SPDYA: variants seen among roughly 807,000 people sequenced by gnomAD.
SPDYA encodes the protein speedy protein A.
In SPDYA, 11 loss-of-function variants were observed where a neutral mutation model predicts 36.7. That is an observed-to-expected ratio of 0.30 (90% CI 0.19 to 0.50). The LOEUF is 0.50. SPDYA is among the 20% of genes least tolerant of loss of function. The pLI is 0.98. For missense variants in SPDYA, 287 were observed against 370.9 expected, an observed-to-expected ratio of 0.77 and a Z score of 1.86; for synonymous variants, 115 against 118.7, an observed-to-expected ratio of 0.97 and a Z score of 0.20.
Position 28,812,969 on chromosome 2 carries a change from T to C in SPDYA, c.-92-1644T>C, listed in dbSNP as rs148039704. The stretch of plus-strand genomic sequence containing the variant: ...TTCCTAAAATGGCTCATATTTTTAA[T>C]TTGGTTTTCGTTCCTTTCCTCTTGC... On this transcript the variant is annotated intron_variant, in intron 1 of 7. Coordinates refer to ENST00000334056, the MANE Select transcript of SPDYA (RefSeq NM_182756.4). Among the ~76,000 whole-genome samples the C allele has an allele frequency of 4.6e-5, 7 of 152,300 alleles. No homozygotes were observed. The East Asian group carries it at 1.3e-3, about 29-fold the overall frequency.
At chr2:28,816,298 T>C (rs764443703) in intron 3 of SPDYA, 49 bp downstream of exon 3, 7 of 1,318,930 alleles carry the variant, frequency 5.3e-6, no homozygotes, top group Admixed American at 2.4e-5. Flanking sequence ...ACTAAAAACC[T>C]AGAATGTAAA....
At position 28,819,204 on chromosome 2, in the gene SPDYA, T is replaced by C; in HGVS notation, c.294+98T>C. On this transcript the variant is annotated intron_variant, in intron 4 of 7. Coordinates refer to ENST00000334056, the MANE Select transcript of SPDYA (RefSeq NM_182756.4). ...TTATAAGAATTTTCTATCTTATTAG[T>C]TATGATTAAGAAAAGAGCTAGTGGC... The C allele has an allele frequency of 5.3e-6, 5 of 943,134 alleles. No homozygotes were observed. The South Asian group carries it at 8.8e-5, about 17-fold the overall frequency. The allele number at this position is 943,134 out of a possible 1,614,324, so 58.4% of individuals were successfully genotyped here.
chr2:28,817,194 T>C (rs897011897), intron 3 of SPDYA, among the ~76,000 whole-genome samples: 12 of 152,090 alleles, frequency 7.9e-5, no homozygotes, highest in Non-Finnish European at 7.3e-5. Context: ...ACCTGCAAAC[T>C]TTTTTAGTAC....
In SPDYA at chr2:28,850,391, C is replaced by T. The variant is rs1235609357; in HGVS notation, c.*450C>T. On this transcript the variant is annotated 3_prime_UTR_variant, in exon 8 of 8. Coordinates refer to ENST00000334056, the MANE Select transcript of SPDYA (RefSeq NM_182756.4). ...TAGGGAAATGATCCATATGGAAAATCAGAATGCGATTCTTCTGTTGTAAAA... is the reference window on the plus strand; with the variant it reads ...TAGGGAAATGATCCATATGGAAAATTAGAATGCGATTCTTCTGTTGTAAAA... 6.2e-7 allele frequency: 1 copy of T among 1,606,436 alleles called. No individual in the cohort carries two copies. Among genetic ancestry groups the T allele is most frequent in the Admixed American group, 1.7e-5 (1 of 59,358 alleles).
chr2:28,819,841 AAAAAAAAAATATATATAT>A (rs1668094380), intron 4 of SPDYA, among the ~76,000 whole-genome samples: 1 of 49,936 alleles, frequency 2.0e-5, no homozygotes, highest in African/African-American at 9.2e-5. Context: ...AAAAAAAAAA[AAAAAAAAAATATATATAT>A]ATATATATAT....
rs1229486610 is a variant in SPDYA, at chr2:28,823,738, TATATATAA to T, written c.380+1330_380+1337del. On this transcript the variant is annotated intron_variant, in intron 5 of 7. Transcript: ENST00000334056. ...ATATATATATATATATATATATATA[TATATATAA>T]AATTTTTTTTTTTTTTTGAGATGGA... Among the ~76,000 whole-genome samples the T allele has an allele frequency of 1.6e-3, 111 of 70,418 alleles. 1 individual carries two copies. The East Asian group carries it at 0.029, about 18-fold the overall frequency. The allele number at this position is 70,418 out of a possible 152,430, so 46.2% of individuals were successfully genotyped here. A position where few individuals can be genotyped will look rare whatever the true frequency, so the allele number is the denominator to read the frequency against.
chr2:28,836,219 A>G (rs1668597274), intron 6 of SPDYA, among the ~76,000 whole-genome samples: 2 of 152,246 alleles, frequency 1.3e-5, no homozygotes, highest in African/African-American at 4.8e-5. Context: ...TCAAAATCAT[A>G]GAAGTTGCAG....
intron 4 of SPDYA, among the ~76,000 whole-genome samples, chr2:28,819,902 A>G (rs1430669211): frequency 9.7e-6 from 1 of 103,358 alleles, no homozygotes; most frequent in African/African-American, 4.0e-5. Context: ...ATATATATAT[A>G]TTTTATCCTG....
At chr2:28,832,263 C>G (rs1231851242) in intron 6 of SPDYA, among the ~76,000 whole-genome samples, 1 of 152,182 alleles carries the variant, frequency 6.6e-6, no homozygotes, top group Non-Finnish European at 1.5e-5. Flanking sequence ...CCTCAATCTA[C>G]TCAATTTAGC....
intron 7 of SPDYA, among the ~76,000 whole-genome samples, chr2:28,842,780 A>G (rs1668779314): frequency 6.6e-6 from 1 of 152,218 alleles, no homozygotes; most frequent in Non-Finnish European, 1.5e-5. Flanking sequence ...ATTTTCCTCC[A>G]ATAGTTTTAA....
chr2:28,850,256 A>C lies in SPDYA; in HGVS notation c.*315A>C. 1.2e-6 allele frequency: 2 copies of C among 1,610,108 alleles called. No individual in the cohort carries two copies. Among genetic ancestry groups the C allele is most frequent in the Non-Finnish European group, 1.7e-6 (2 of 1,177,686 alleles). ...TGACAAGAAAAGCTAATTTAAGAGAAGAAAAACATAAAGTCATTATATTAA... is the reference window on the plus strand; with the variant it reads ...TGACAAGAAAAGCTAATTTAAGAGACGAAAAACATAAAGTCATTATATTAA... On this transcript the variant is annotated 3_prime_UTR_variant, in exon 8 of 8. Coordinates refer to ENST00000334056, the MANE Select transcript of SPDYA (RefSeq NM_182756.4).
Position 28,819,049 on chromosome 2 carries a change from T to C in SPDYA, c.237T>C (p.Asp79=). The C allele has an allele frequency of 6.2e-7, 1 of 1,609,562 alleles. No homozygotes were observed. Among genetic ancestry groups the C allele is most frequent in the Non-Finnish European group, 8.5e-7 (1 of 1,177,778 alleles). ...AGTTATAGCTATCTTTTGTTGTAGA[T>C]GACGATTTAATTCAAGATTTCTTGT... ...QDMTAFFKLF[D]DDLIQDFLWM... Residue 79 remains aspartate (D), a splice_region_variant and synonymous_variant, in exon 4 of 8, where the codon GAT becomes GAC. Transcript: ENST00000334056.
intron 7 of SPDYA, among the ~76,000 whole-genome samples, chr2:28,849,307 T>C (rs1668972667): frequency 6.6e-6 from 1 of 152,256 alleles, no homozygotes; most frequent in African/African-American, 2.4e-5. Context: ...ACATTTTTTT[T>C]TTAAGATGGA....
At chr2:28,825,558 TATA>T (rs1270044904) in intron 5 of SPDYA, among the ~76,000 whole-genome samples, 3 of 152,224 alleles carry the variant, frequency 2.0e-5, no homozygotes, top group Non-Finnish European at 4.4e-5. Context: ...TATACAGTCT[TATA>T]ATGTTTCCTT....
chr2:28,822,222 G>A (rs577557504), intron 4 of SPDYA, 103 bp from the exon 5 acceptor site: 59 of 513,108 alleles, frequency 1.1e-4, no homozygotes, highest in African/African-American at 1.0e-3. Flanking sequence ...ACACTTTATT[G>A]TTTTAGCTTA....
chr2:28,822,334 G>T lies in SPDYA; in HGVS notation c.304G>T (p.Ala102Ser). The change falls in exon 5 of 8, where the codon GCT (alanine) becomes TCT (serine). Residue 102 changes from alanine to serine, a missense_variant. Physicochemically the swap from Ala to Ser is moderately conservative, Grantham distance 99. Transcript: ENST00000334056. ...ACTTTTTTCCTTATAGTATCTTTTGGCTATGACCTTTGTTTATTTCAAGAG... is the reference window on the plus strand; with the variant it reads ...ACTTTTTTCCTTATAGTATCTTTTGTCTATGACCTTTGTTTATTTCAAGAG... ...CCKIADKYLL[A>S]MTFVYFKRAK... is the part of the protein sequence containing the mutation. The T allele has an allele frequency of 6.5e-7, 1 of 1,533,066 alleles. No homozygotes were observed. Among genetic ancestry groups the T allele is most frequent in the Non-Finnish European group, 8.8e-7 (1 of 1,134,132 alleles). The allele number at this position is 1,533,066 out of a possible 1,614,324, so 95.0% of individuals were successfully genotyped here.
intron 1 of SPDYA, among the ~76,000 whole-genome samples, chr2:28,812,637 A>T (rs533715366): frequency 6.6e-6 from 1 of 152,074 alleles, no homozygotes; most frequent in Admixed American, 6.5e-5. Context: ...CGGGCCGATC[A>T]CCTCAGGTCA....
chr2:28,832,835 A>AC (rs1668508931), intron 6 of SPDYA, among the ~76,000 whole-genome samples: 3 of 110,538 alleles, frequency 2.7e-5, no homozygotes, highest in Admixed American at 2.0e-4. Context: ...AGTCTCTCCC[A>AC]CCCCCACCTT....
chr2:28,828,902 A>C (rs1668404330), intron 5 of SPDYA, among the ~76,000 whole-genome samples: 1 of 152,262 alleles, frequency 6.6e-6, no homozygotes, highest in South Asian at 2.1e-4. Flanking sequence ...ATCTGAAAGA[A>C]TCAGACTATT....
Sources: allele counts gnomAD v4.1 joint callset (sites outside exome capture counted in the v4.1 genomes callset), GRCh38; gene constraint gnomAD v4.1.1; transcripts MANE v1.5; gene names NCBI Gene and HGNC (gene_info 2026-07-23, HGNC 2026-07-21).